Variants in TMTC2 observed in about 807,000 individuals in gnomAD.
The protein encoded by TMTC2 is transmembrane O-mannosyltransferase targeting cadherins 2.
A neutral mutation model predicts 82.4 loss-of-function variants in TMTC2; 43 were observed. The observed-to-expected ratio is 0.52, with a 90% CI of 0.41 to 0.67. The LOEUF (loss-of-function observed/expected upper bound fraction) is 0.67, where lower values mean the gene tolerates loss of function less well. Ranked by LOEUF, TMTC2 falls within the 30% of genes least tolerant of loss-of-function variation. The pLI, the probability that TMTC2 is intolerant of heterozygous loss-of-function variation, is 0.00. For missense variants in TMTC2, 919 were observed against 1,012.4 expected, an observed-to-expected ratio of 0.91 and a Z score of 1.25; for synonymous variants, 408 against 381.9, an observed-to-expected ratio of 1.07 and a Z score of -0.80.
At chr12:82,710,117 G>T (rs1384947614) in intron 1 of TMTC2, among the ~76,000 whole-genome samples, 1 of 152,146 alleles carries the variant, frequency 6.6e-6, no homozygotes, top group African/African-American at 2.4e-5. Context: ...AATGTGTACT[G>T]TTGAAATCAT....
intron 1 of TMTC2, among the ~76,000 whole-genome samples, chr12:82,736,611 C>G (rs1875137808): frequency 6.6e-6 from 1 of 152,176 alleles, no homozygotes; most frequent in Non-Finnish European, 1.5e-5. Context: ...TGTTTTCCTT[C>G]CACAGCCTTG....
chr12:83,108,894 T>G (rs370583535), intron 11 of TMTC2, among the ~76,000 whole-genome samples: 8 of 152,298 alleles, frequency 5.3e-5, no homozygotes, highest in African/African-American at 1.9e-4. Flanking sequence ...ATTAATATGT[T>G]AATGAAATTG....
chr12:82,856,278 T>G (rs972516920), intron 1 of TMTC2, among the ~76,000 whole-genome samples: 1 of 152,212 alleles, frequency 6.6e-6, no homozygotes, highest in Non-Finnish European at 1.5e-5. Flanking sequence ...AAGATTTCTA[T>G]AGAGGGTAGT....
intron 3 of TMTC2, among the ~76,000 whole-genome samples, chr12:82,901,941 T>C (rs562981762): frequency 2.6e-5 from 4 of 152,176 alleles, no homozygotes; most frequent in Non-Finnish European, 5.9e-5. Context: ...TCTATTATTT[T>C]ATGACTAAAT....
intron 11 of TMTC2, among the ~76,000 whole-genome samples, chr12:83,088,821 C>T (rs1883747443): frequency 1.3e-5 from 2 of 152,094 alleles, no homozygotes; most frequent in South Asian, 4.1e-4. Context: ...CACACCTGTG[C>T]CCAAAAGTCA....
At chr12:82,784,088 C>G (rs1878047003) in intron 1 of TMTC2, among the ~76,000 whole-genome samples, 1 of 151,752 alleles carries the variant, frequency 6.6e-6, no homozygotes, top group African/African-American at 2.4e-5. Flanking sequence ...TTTTTTTAAC[C>G]AGTTCACATC....
chr12:83,031,431 A>G (rs1281559859), intron 9 of TMTC2, among the ~76,000 whole-genome samples: 1 of 152,166 alleles, frequency 6.6e-6, no homozygotes, highest in Non-Finnish European at 1.5e-5. Context: ...GAATGAGGCT[A>G]CATAACAACT....
chr12:82,784,479 G>T (rs1036852923), intron 1 of TMTC2, among the ~76,000 whole-genome samples: 5 of 152,090 alleles, frequency 3.3e-5, no homozygotes, highest in African/African-American at 1.2e-4. Context: ...ATACATCGGT[G>T]TTTCCTCCTA....
intron 3 of TMTC2, among the ~76,000 whole-genome samples, chr12:82,921,543 G>A (rs1317672001): frequency 6.6e-6 from 1 of 152,036 alleles, no homozygotes; most frequent in Non-Finnish European, 1.5e-5. Context: ...GGCTGTCACA[G>A]TGCTGCAATG....
chr12:82,995,407 G>T (rs1434743691), intron 8 of TMTC2, among the ~76,000 whole-genome samples: 1 of 152,026 alleles, frequency 6.6e-6, no homozygotes, highest in Non-Finnish European at 1.5e-5. Flanking sequence ...CGTTTTTGCA[G>T]ACTCATAAAT....
At chr12:82,989,540 G>A (rs557232435) in intron 8 of TMTC2, among the ~76,000 whole-genome samples, 1 of 151,524 alleles carries the variant, frequency 6.6e-6, no homozygotes, top group South Asian at 2.1e-4. Context: ...AGTTTCAGAT[G>A]TCTAATTCAT....
intron 8 of TMTC2, among the ~76,000 whole-genome samples, chr12:83,028,303 G>T (rs975040977): frequency 1.4e-4 from 21 of 152,122 alleles, no homozygotes; most frequent in African/African-American, 4.6e-4. Flanking sequence ...AATCCTAGGA[G>T]ATAGGTTTTG....
intron 11 of TMTC2, among the ~76,000 whole-genome samples, chr12:83,090,991 C>T (rs888035634): frequency 6.6e-6 from 1 of 152,018 alleles, no homozygotes; most frequent in Admixed American, 6.6e-5. Flanking sequence ...TTAGGGTATC[C>T]ATAAAAAATA....
chr12:83,084,740 T>C (rs1051096063), intron 11 of TMTC2, among the ~76,000 whole-genome samples: 1 of 152,094 alleles, frequency 6.6e-6, no homozygotes, highest in Admixed American at 6.6e-5. Context: ...GAGGAGGAAA[T>C]GACAAATATT....
intron 8 of TMTC2, among the ~76,000 whole-genome samples, chr12:82,997,206 C>CCTCT (rs202229293): frequency 4.2e-5 from 5 of 117,840 alleles, no homozygotes; most frequent in African/African-American, 1.1e-4. Context: ...TCCCCCTCTC[C>CCTCT]CTCTCTCTCT....
At chr12:82,908,554 A>G (rs576002384) in intron 3 of TMTC2, among the ~76,000 whole-genome samples, 99 of 152,220 alleles carry the variant, frequency 6.5e-4, no homozygotes, top group Middle Eastern at 3.4e-3. Context: ...ATAATGTATT[A>G]TCATTCCCAT....
intron 1 of TMTC2, among the ~76,000 whole-genome samples, chr12:82,692,743 G>A (rs1391972537): frequency 3.3e-5 from 5 of 152,140 alleles, no homozygotes; most frequent in Non-Finnish European, 7.4e-5. Flanking sequence ...CAGCCTCCAA[G>A]GAAAGGAACG....
intron 8 of TMTC2, among the ~76,000 whole-genome samples, chr12:83,024,939 C>T (rs1322018134): frequency 6.6e-6 from 1 of 152,126 alleles, no homozygotes; most frequent in Non-Finnish European, 1.5e-5. Flanking sequence ...CACTTGTAAT[C>T]CCACCACTTT....
At chr12:83,057,688 T>C (rs1882596397) in intron 10 of TMTC2, among the ~76,000 whole-genome samples, 1 of 151,812 alleles carries the variant, frequency 6.6e-6, no homozygotes, top group Non-Finnish European at 1.5e-5. Context: ...CCTCTGTTTT[T>C]ATGTTACATG....
Sources: allele counts gnomAD v4.1 joint callset (sites outside exome capture counted in the v4.1 genomes callset), GRCh38; gene constraint gnomAD v4.1.1; transcripts MANE v1.5; gene names NCBI Gene and HGNC (gene_info 2026-07-23, HGNC 2026-07-21).